RREB1: variants seen among roughly 807,000 people sequenced by gnomAD.
RREB1 encodes the protein ras responsive element binding protein 1, also known as ras-responsive element-binding protein 1.
Under a neutral mutation model 117.8 loss-of-function variants are expected in RREB1, and 27 were observed. The ratio of observed to expected loss-of-function variants is 0.23; its 90% CI spans 0.17 to 0.32. The LOEUF (loss-of-function observed/expected upper bound fraction) is 0.32, where lower values mean the gene tolerates loss of function less well. Ranked by LOEUF, RREB1 falls within the 10% of genes least tolerant of loss-of-function variation. The pLI is 1.00. For synonymous variants in RREB1, 1,298 were observed against 1,026.7 expected (o/e 1.26, Z -5.05); for missense variants, 2,577 against 2,378.2 (o/e 1.08, Z -1.74).
At position 7,248,742 on chromosome 6, in the gene RREB1, C is replaced by T. The variant is rs1460653902; in HGVS notation, c.5003C>T (p.Ala1668Val). 8.7e-6 allele frequency: 14 copies of T among 1,614,024 alleles called. No individual in the cohort carries two copies. Among genetic ancestry groups the T allele is most frequent in the Non-Finnish European group, 1.2e-5 (14 of 1,180,042 alleles). The change falls in exon 13 of 13, where the codon GCT becomes GTT. Residue 1668 changes from alanine (A) to valine (V), a missense_variant. Coordinates refer to ENST00000379938, the MANE Select transcript of RREB1 (RefSeq NM_001003699.4). The part of the protein sequence containing the change: ...ELAPNASNHM[A>V]VTRSRKEGLA... The stretch of plus-strand genomic sequence containing the variant: ...GCTCCCAATGCCAGCAACCACATGG[C>T]TGTCACCCGGAGCCGGAAGGAGGGC...
At chr6:7,171,533 G>A (rs779358943) in intron 1 of RREB1, among the ~76,000 whole-genome samples, 17 of 152,188 alleles carry the variant, frequency 1.1e-4, no homozygotes, top group Non-Finnish European at 1.0e-4. Context: ...GCTCTACCAC[G>A]CAGCAGCTCT....
rs963954956 is a variant in RREB1, at chr6:7,194,278, A to G, written c.425+4956A>G. Among the ~76,000 whole-genome samples the G allele has an allele frequency of 7.2e-5, 11 of 152,284 alleles. No homozygotes were observed. In the East Asian group the frequency reaches 1.2e-3, roughly 16 times the overall value. On this transcript the variant is annotated intron_variant, in intron 6 of 12. Coordinates refer to ENST00000379938, the MANE Select transcript of RREB1 (RefSeq NM_001003699.4). ...TTAAAAGCAGGCATTGGCCGGGTAC[A>G]GTGGATCACACCTGTAATCTCAGCA...
intron 1 of RREB1, among the ~76,000 whole-genome samples, chr6:7,155,568 C>G (rs1258076109): frequency 6.6e-6 from 1 of 152,250 alleles, no homozygotes; most frequent in Admixed American, 6.5e-5. Context: ...GCCTCAGCCT[C>G]CCAAGGTGCT....
In RREB1 at chr6:7,182,035, T is replaced by G; in HGVS notation, c.124T>G (p.Ser42Ala). The change falls in exon 4 of 13, where the codon TCC becomes GCC. Residue 42 changes from serine (S) to alanine (A), a missense_variant. Coordinates refer to ENST00000379938, the MANE Select transcript of RREB1 (RefSeq NM_001003699.4). Reference sequence around the variant, plus strand: ...TGGCGGGAGCCCCCAGGGGATCAAGTCCCCCTCGAAGCCTCCAGGACCAAA... The same window carrying G: ...TGGCGGGAGCCCCCAGGGGATCAAGGCCCCCTCGAAGCCTCCAGGACCAAA... ...ENGGSPQGIK[S>A]PSKPPGPNRI... 1 of 1,613,916 alleles carries G rather than the reference T, an allele frequency of 6.2e-7. No individual in the cohort carries two copies. The highest frequency in any genetic ancestry group is 8.5e-7 in the Non-Finnish European group (1 of 1,179,962).
chr6:7,181,781 T>A, intron 3 of RREB1, 89 bp from the exon 4 acceptor site: 1 of 896,120 alleles, frequency 1.1e-6, no homozygotes, highest in Non-Finnish European at 1.8e-6. Context: ...TGACCTGAAT[T>A]ACAATTAGAG....
chr6:7,149,344 TC>T (rs1763012383), intron 1 of RREB1, among the ~76,000 whole-genome samples: 1 of 152,136 alleles, frequency 6.6e-6, no homozygotes, highest in East Asian at 1.9e-4. Context: ...GTCATAGACA[TC>T]CTGGAAAACA....
At chr6:7,245,953 A>G (rs553087895) in intron 11 of RREB1, among the ~76,000 whole-genome samples, 1 of 152,302 alleles carries the variant, frequency 6.6e-6, no homozygotes, top group African/African-American at 2.4e-5. Context: ...ACTCATCAAG[A>G]CCATGCTTTG....
At position 7,249,245 on chromosome 6, in the gene RREB1, G is replaced by T. The variant is rs1769306654; in HGVS notation, c.*277G>T. 1 of 421,758 alleles carries T rather than the reference G, an allele frequency of 2.4e-6. No homozygotes were observed. Among genetic ancestry groups the T allele is most frequent in the Non-Finnish European group, 4.2e-6 (1 of 237,790 alleles). 26.1% of individuals were successfully genotyped at this position (421,758 alleles called of 1,614,324 possible). A position where few individuals can be genotyped will look rare whatever the true frequency, so the allele number is the denominator to read the frequency against. On this transcript the variant is annotated 3_prime_UTR_variant, in exon 13 of 13. Coordinates refer to ENST00000379938, the MANE Select transcript of RREB1 (RefSeq NM_001003699.4). ...CATGGGTGTTGTATTTTTCCAAAAT[G>T]ACTTCTTAAACAAAACAAATATTAT...
intron 1 of RREB1, among the ~76,000 whole-genome samples, chr6:7,132,476 C>A (rs189312530): frequency 5.3e-5 from 8 of 152,260 alleles, no homozygotes; most frequent in African/African-American, 1.9e-4. Flanking sequence ...ACTTTTTGTT[C>A]TTTTTAAGCA....
intron 1 of RREB1, among the ~76,000 whole-genome samples, chr6:7,146,116 T>C: frequency 6.6e-6 from 1 of 151,544 alleles, no homozygotes; most frequent in Non-Finnish European, 1.5e-5. Flanking sequence ...CACACACAGA[T>C]ACACACACAC....
intron 1 of RREB1, among the ~76,000 whole-genome samples, chr6:7,122,263 T>A (rs1761713471): frequency 6.6e-6 from 1 of 152,156 alleles, no homozygotes; most frequent in African/African-American, 2.4e-5. Context: ...TCTCTCATTT[T>A]TTTTCTTTTT....
intron 1 of RREB1, among the ~76,000 whole-genome samples, chr6:7,123,895 G>A (rs1464078236): frequency 6.6e-6 from 1 of 152,134 alleles, no homozygotes; most frequent in Non-Finnish European, 1.5e-5. Flanking sequence ...ACAGGTGTGA[G>A]CCACCGCGCC....
intron 1 of RREB1, among the ~76,000 whole-genome samples, chr6:7,131,259 C>G (rs554413398): frequency 1.3e-5 from 2 of 152,082 alleles, no homozygotes; most frequent in Non-Finnish European, 2.9e-5. Context: ...TATGTACCAT[C>G]GTATGCCAGT....
Position 7,247,111 on chromosome 6 carries a change from C to G in RREB1, c.4661C>G (p.Ser1554Cys), listed in dbSNP as rs35742417. 785 of 1,613,648 alleles carry G rather than the reference C, an allele frequency of 4.9e-4. 1 individual carries two copies. Among genetic ancestry groups the G allele is most frequent in the Non-Finnish European group, 6.2e-4 (727 of 1,179,912 alleles). ...GATGACAAGAAACCAAAGACAGACT[C>G]CCCCAAAAGCGTGGCCAGCAAGGCA... ...SDDDKKPKTD[S>C]PKSVASKADK... The change falls in exon 12 of 13, where the codon TCC becomes TGC. Residue 1554 changes from serine (S) to cysteine (C), a missense_variant. Ser to Cys is a moderately radical substitution (Grantham distance 112). Transcript: ENST00000379938.
chr6:7,152,026 G>T (rs1160303764), intron 1 of RREB1, among the ~76,000 whole-genome samples: 1 of 152,166 alleles, frequency 6.6e-6, no homozygotes, highest in African/African-American at 2.4e-5. Context: ...TTCCCTTGTA[G>T]GTACATACAC....
In RREB1 at chr6:7,249,799, A is replaced by ATGT. The variant is rs570695709; in HGVS notation, c.*832_*833insGTT. The stretch of plus-strand genomic sequence containing the variant: ...TTCCCTTTCAGTATATGTATTATTA[A>ATGT]TATTATTATTATTATTATTATTATT... On this transcript the variant is annotated 3_prime_UTR_variant, in exon 13 of 13. Coordinates refer to ENST00000379938, the MANE Select transcript of RREB1 (RefSeq NM_001003699.4). The ATGT allele has an allele frequency of 6.3e-3, 955 of 150,408 alleles. 11 individuals are homozygous for ATGT. Among genetic ancestry groups the ATGT allele is most frequent in the African/African-American group, 0.022 (888 of 40,962 alleles). 9.3% of individuals were successfully genotyped at this position (150,408 alleles called of 1,614,324 possible).
chr6:7,149,743 A>G (rs1213658983), intron 1 of RREB1, among the ~76,000 whole-genome samples: 1 of 152,244 alleles, frequency 6.6e-6, no homozygotes, highest in Non-Finnish European at 1.5e-5. Context: ...GCTGGAGTCC[A>G]GTGGCGCAAT....
chr6:7,161,193 G>A (rs1215595788), intron 1 of RREB1, among the ~76,000 whole-genome samples: 1 of 152,126 alleles, frequency 6.6e-6, no homozygotes, highest in East Asian at 1.9e-4. Context: ...GATGGGGCAG[G>A]GTGGGGATGA....
At chr6:7,146,315 G>A (rs1762855419) in intron 1 of RREB1, among the ~76,000 whole-genome samples, 1 of 152,162 alleles carries the variant, frequency 6.6e-6, no homozygotes, top group African/African-American at 2.4e-5. Context: ...CAGCATTCTT[G>A]AATGTGCATT....
Sources: gnomAD v4.1 joint callset for allele counts (sites outside exome capture counted in the v4.1 genomes callset) on GRCh38, gnomAD v4.1.1 for gene constraint, MANE v1.5 for transcripts, NCBI Gene and HGNC (gene_info 2026-07-23, HGNC 2026-07-21) for gene names.